Variants in L3MBTL4 observed in about 807,000 individuals in gnomAD.
The protein encoded by L3MBTL4 is lethal(3)malignant brain tumor-like protein 4.
A neutral mutation model predicts 84.5 loss-of-function variants in L3MBTL4; 70 were observed. The ratio of observed to expected loss-of-function variants is 0.83; its 90% CI spans 0.68 to 1.01. L3MBTL4 has a LOEUF of 1.01. L3MBTL4 is among the 50% of genes least tolerant of loss of function. The pLI, the probability that L3MBTL4 is intolerant of heterozygous loss-of-function variation, is 0.00. For synonymous variants in L3MBTL4, 274 were observed against 259.8 expected (o/e 1.05, Z -0.52); for missense variants, 715 against 754.8 (o/e 0.95, Z 0.62).
At chr18:6,204,133 T>C (rs930150499) in intron 12 of L3MBTL4, among the ~76,000 whole-genome samples, 1 of 110,214 alleles carries the variant, frequency 9.1e-6, no homozygotes, top group African/African-American at 3.5e-5. Context: ...ATCCTCTGTG[T>C]TTACAGGATC....
At chr18:6,076,371 C>G (rs191209887) in intron 16 of L3MBTL4, among the ~76,000 whole-genome samples, 54 of 152,184 alleles carry the variant, frequency 3.5e-4, no homozygotes, top group Non-Finnish European at 6.3e-4. Context: ...ACATCTGATT[C>G]CATTTATAAA....
At chr18:6,268,698 C>T (rs1255549385) in intron 4 of L3MBTL4, among the ~76,000 whole-genome samples, 1 of 152,124 alleles carries the variant, frequency 6.6e-6, no homozygotes, top group African/African-American at 2.4e-5. Flanking sequence ...TTGGCTATAG[C>T]AAAATGTTCC....
intron 13 of L3MBTL4, among the ~76,000 whole-genome samples, chr18:6,170,732 G>T (rs565283976): frequency 6.6e-5 from 10 of 151,998 alleles, no homozygotes; most frequent in Admixed American, 1.3e-4. Flanking sequence ...ATGTACAGGG[G>T]TGTATTGGGG....
At chr18:6,249,511 T>A (rs751306621) in intron 5 of L3MBTL4, among the ~76,000 whole-genome samples, 13 of 152,218 alleles carry the variant, frequency 8.5e-5, no homozygotes, top group Non-Finnish European at 1.6e-4. Flanking sequence ...GAGCTTTCCA[T>A]AATGTTGCAA....
At chr18:6,094,349 C>T (rs1405390241) in intron 14 of L3MBTL4, among the ~76,000 whole-genome samples, 1 of 152,198 alleles carries the variant, frequency 6.6e-6, no homozygotes, top group Non-Finnish European at 1.5e-5. Context: ...GTACATTACC[C>T]TGGGGAAGGT....
At chr18:6,232,519 CAGG>C (rs2047040270) in intron 10 of L3MBTL4, among the ~76,000 whole-genome samples, 1 of 151,918 alleles carries the variant, frequency 6.6e-6, no homozygotes, top group South Asian at 2.1e-4. Flanking sequence ...TTTTCTTTGT[CAGG>C]AGGTTTTTGT....
chr18:6,116,361 T>G (rs1392599558), intron 14 of L3MBTL4, among the ~76,000 whole-genome samples: 10 of 65,612 alleles, frequency 1.5e-4, no homozygotes, highest in African/African-American at 9.4e-4. Context: ...TGTTGCTGGT[T>G]TTTTTTTTTT....
At chr18:6,065,306 T>C (rs1403592308) in intron 16 of L3MBTL4, among the ~76,000 whole-genome samples, 1 of 152,024 alleles carries the variant, frequency 6.6e-6, no homozygotes, top group African/African-American at 2.4e-5. Context: ...GATATTGTAG[T>C]TTTCTTTTTT....
intron 16 of L3MBTL4, among the ~76,000 whole-genome samples, chr18:6,038,074 A>C (rs1200176311): frequency 1.3e-5 from 2 of 152,156 alleles, no homozygotes; most frequent in Non-Finnish European, 2.9e-5. Flanking sequence ...AGTGGGAAGT[A>C]TCTGTGTAAT....
At chr18:6,378,723 C>T (rs776825942) in intron 1 of L3MBTL4, among the ~76,000 whole-genome samples, 1 of 152,196 alleles carries the variant, frequency 6.6e-6, no homozygotes, top group Non-Finnish European at 1.5e-5. Flanking sequence ...TCACTGTAGC[C>T]TTGTAGTATA....
intron 17 of L3MBTL4, among the ~76,000 whole-genome samples, chr18:5,963,833 G>C (rs1050168166): frequency 2.0e-5 from 3 of 152,250 alleles, no homozygotes; most frequent in South Asian, 4.1e-4. Context: ...CTTTAAAAGA[G>C]AGAGATTTTT....
At chr18:6,144,033 T>C (rs913425774) in intron 13 of L3MBTL4, among the ~76,000 whole-genome samples, 4 of 151,752 alleles carry the variant, frequency 2.6e-5, no homozygotes, top group African/African-American at 9.7e-5. Context: ...CCGTCTCTAC[T>C]AAAAATACAA....
At chr18:6,243,679 T>G (rs908273277) in intron 6 of L3MBTL4, among the ~76,000 whole-genome samples, 2 of 152,236 alleles carry the variant, frequency 1.3e-5, no homozygotes, top group Admixed American at 1.3e-4. Context: ...TCTAGGAATC[T>G]GAGGGTCAGT....
chr18:5,998,352 G>T (rs2054069583), intron 16 of L3MBTL4, among the ~76,000 whole-genome samples: 1 of 152,224 alleles, frequency 6.6e-6, no homozygotes, highest in South Asian at 2.1e-4. Context: ...AGGCTCTGTG[G>T]CTAGATGGGA....
At chr18:6,358,922 T>A (rs1015477271) in intron 1 of L3MBTL4, among the ~76,000 whole-genome samples, 2 of 152,202 alleles carry the variant, frequency 1.3e-5, no homozygotes. Context: ...TGTTCCATAT[T>A]CCAGTGGATA....
intron 12 of L3MBTL4, among the ~76,000 whole-genome samples, chr18:6,184,802 C>A (rs1370248339): frequency 6.6e-6 from 1 of 152,132 alleles, no homozygotes; most frequent in East Asian, 1.9e-4. Flanking sequence ...ACAGTCAGAA[C>A]CCCGCGTAAA....
At position 6,157,774 on chromosome 18, in the gene L3MBTL4, T is replaced by G. The variant is rs1038917357; in HGVS notation, c.1096+14054A>C. ...TTACTCTATTAATATACACTTTAAC[T>G]TCATAATGATAATTTAATTTACTTT... On this transcript the variant is annotated intron_variant, in intron 13 of 18. Coordinates refer to ENST00000317931, the MANE Select transcript of L3MBTL4 (RefSeq NM_001330559.2). 2.0e-5 allele frequency among the ~76,000 whole-genome samples: 3 copies of G among 152,234 alleles called. No individual in the cohort carries two copies. The South Asian group carries it at 6.2e-4, about 32-fold the overall frequency.
At chr18:6,135,018 A>G (rs1399699861) in intron 14 of L3MBTL4, among the ~76,000 whole-genome samples, 6 of 152,128 alleles carry the variant, frequency 3.9e-5, no homozygotes, top group Non-Finnish European at 7.3e-5. Flanking sequence ...GCATTTCCAT[A>G]CATCTTCTTA....
At chr18:6,117,618 A>T (rs1362958427) in intron 14 of L3MBTL4, among the ~76,000 whole-genome samples, 1 of 152,260 alleles carries the variant, frequency 6.6e-6, no homozygotes, top group Non-Finnish European at 1.5e-5. Context: ...GGAATCAGCA[A>T]GATAGCTGAT....
Sources: gnomAD v4.1 joint callset for allele counts (sites outside exome capture counted in the v4.1 genomes callset) on GRCh38, gnomAD v4.1.1 for gene constraint, MANE v1.5 for transcripts, NCBI Gene and HGNC (gene_info 2026-07-23, HGNC 2026-07-21) for gene names.